Variants in PCBP3 observed in about 807,000 individuals in gnomAD.
PCBP3 encodes poly(rC)-binding protein 3.
Under a neutral mutation model 52.7 loss-of-function variants are expected in PCBP3, and 25 were observed. That is an observed-to-expected ratio of 0.47 (90% confidence interval 0.35 to 0.66). The LOEUF is 0.66. Among genes scored for constraint, PCBP3 ranks in the 30% least tolerant of loss-of-function variants. The pLI, the probability that PCBP3 is intolerant of heterozygous loss-of-function variation, is 0.01. For missense variants in PCBP3, 391 were observed against 490.3 expected, an observed-to-expected ratio of 0.80 and a Z score of 1.91; for synonymous variants, 162 against 183.0, an observed-to-expected ratio of 0.89 and a Z score of 0.93.
intron 4 of PCBP3, among the ~76,000 whole-genome samples, chr21:45,765,092 G>A (rs1345210554): frequency 6.6e-6 from 1 of 152,228 alleles, no homozygotes; most frequent in Non-Finnish European, 1.5e-5. Context: ...GCATGGGTGT[G>A]CCTGAAACAG....
chr21:45,685,999 A>G (rs997091454), intron 2 of PCBP3, among the ~76,000 whole-genome samples: 2 of 150,792 alleles, frequency 1.3e-5, no homozygotes, highest in African/African-American at 4.9e-5. Context: ...GCTCACCACA[A>G]CCTCTGCCTC....
chr21:45,773,464 A>G (rs2090031051), intron 4 of PCBP3, among the ~76,000 whole-genome samples: 1 of 152,058 alleles, frequency 6.6e-6, no homozygotes, highest in East Asian at 1.9e-4. Context: ...TTTTTCACAT[A>G]CTTCTTGGCT....
chr21:45,905,942 T>C (rs117685760), intron 9 of PCBP3, among the ~76,000 whole-genome samples: 3,820 of 152,312 alleles, frequency 0.025, 70 homozygotes, highest in Non-Finnish European at 0.038. Context: ...CAGAGTCCAC[T>C]AAGGCTGCAG....
At chr21:45,784,365 C>T (rs906257842) in intron 4 of PCBP3, among the ~76,000 whole-genome samples, 2 of 147,560 alleles carry the variant, frequency 1.4e-5, no homozygotes, top group South Asian at 4.3e-4. Flanking sequence ...TCTACCTCTA[C>T]CTCTACCTCT....
chr21:45,752,334 T>A (rs1171226948), intron 3 of PCBP3, among the ~76,000 whole-genome samples: 1 of 152,054 alleles, frequency 6.6e-6, no homozygotes, highest in Non-Finnish European at 1.5e-5. Context: ...AGTTTTTATT[T>A]CTTCCTTTTT....
chr21:45,774,637 A>T (rs1335710241), intron 4 of PCBP3, among the ~76,000 whole-genome samples: 1 of 152,102 alleles, frequency 6.6e-6, no homozygotes, highest in East Asian at 1.9e-4. Flanking sequence ...CTCTAGTATT[A>T]TGTTGGTTGT....
At chr21:45,665,227 C>T (rs943061830) in intron 1 of PCBP3, among the ~76,000 whole-genome samples, 2 of 151,704 alleles carry the variant, frequency 1.3e-5, no homozygotes, top group Admixed American at 6.6e-5. Context: ...CATGATGAGA[C>T]CCCATATCTA....
rs79715360 is a variant in PCBP3, at chr21:45,769,424, G to A, written c.-126+13972G>A. The stretch of plus-strand genomic sequence containing the variant: ...TCACGCAGGGCTGTCTGCTGCCTGT[G>A]CTGGGACTGTGGGCGCATCGCCTGT... On this transcript the variant is annotated intron_variant, in intron 4 of 17. Transcript: ENST00000681687. Among the ~76,000 whole-genome samples the A allele has an allele frequency of 4.9e-3, 741 of 152,370 alleles. 6 individuals carry two copies. The highest frequency in any genetic ancestry group is 0.017 in the African/African-American group (710 of 41,596).
intron 13 of PCBP3, among the ~76,000 whole-genome samples, chr21:45,920,393 T>G (rs2074272391): frequency 6.6e-6 from 1 of 152,242 alleles, no homozygotes; most frequent in Non-Finnish European, 1.5e-5. Context: ...GCTTTGCTCT[T>G]TCTCATGTGA....
chr21:45,939,866 G>A (rs774884389), intron 16 of PCBP3, among the ~76,000 whole-genome samples, 164 bp from the exon 17 acceptor site: 1 of 152,210 alleles, frequency 6.6e-6, no homozygotes, highest in Non-Finnish European at 1.5e-5. Flanking sequence ...GGCACCACCT[G>A]CAGGCAGGTG....
chr21:45,909,490 A>G lies in PCBP3; in HGVS notation c.471+4A>G. On this transcript the variant is annotated splice_donor_region_variant and intron_variant, in intron 10 of 17. Transcript: ENST00000681687. Reference sequence around the variant, plus strand: ...CAAGATCAAGGAGATCAGGGAGGTAACAGGACCTTCCCAGCCTGGGCCGCT... The same window carrying G: ...CAAGATCAAGGAGATCAGGGAGGTAGCAGGACCTTCCCAGCCTGGGCCGCT... 6.2e-7 allele frequency: 1 copy of G among 1,612,102 alleles called. No individual in the cohort carries two copies. Among genetic ancestry groups the G allele is most frequent in the East Asian group, 2.2e-5 (1 of 44,842 alleles).
rs1569495286 is a variant in PCBP3 at position 45,917,604 on chromosome 21, G to T, written c.692G>T (p.Gly231Val). The part of the protein sequence containing the change: ...FAGGQAYTIQ[G>V]QYAIPHPDQL... ...TCTCTCTAGGCCTACACAATCCAGGGACAGTATGCCATCCCTCACCCGGAT... is the reference window on the plus strand; with the variant it reads ...TCTCTCTAGGCCTACACAATCCAGGTACAGTATGCCATCCCTCACCCGGAT... Residue 231 changes from glycine to valine, a missense_variant, in exon 13 of 18, where the codon GGA (glycine) becomes GTA (valine). Gly to Val is a moderately radical substitution (Grantham distance 109). Coordinates refer to ENST00000681687, the MANE Select transcript of PCBP3 (RefSeq NM_001384156.1). This position sits in a 1 kb window ranked among gnomAD's most constrained non-coding sequence, Gnocchi z 5.3. 6.2e-7 allele frequency: 1 copy of T among 1,613,456 alleles called. No homozygotes were observed. The highest frequency in any genetic ancestry group is 8.5e-7 in the Non-Finnish European group (1 of 1,179,606).
rs774437870 is a variant in PCBP3, at chr21:45,704,159, G to T, written c.-199-31233G>T. On this transcript the variant is annotated intron_variant, in intron 2 of 17. Coordinates refer to ENST00000681687, the MANE Select transcript of PCBP3 (RefSeq NM_001384156.1). This position sits in a 1 kb window ranked among gnomAD's most constrained non-coding sequence, Gnocchi z 4.1. ...TGGTCAGCTGGAGGAAAGCCAAGGGGCACTGCCCAGCCGCTGAGTGGGTGG... is the reference window on the plus strand; with the variant it reads ...TGGTCAGCTGGAGGAAAGCCAAGGGTCACTGCCCAGCCGCTGAGTGGGTGG... Among the ~76,000 whole-genome samples, 45 of 152,314 alleles carry T rather than the reference G, an allele frequency of 3.0e-4. No individual in the cohort carries two copies. Among genetic ancestry groups the T allele is most frequent in the South Asian group, 1.2e-3 (6 of 4,826 alleles).
At chr21:45,857,388 A>G (rs2094341948) in intron 5 of PCBP3, among the ~76,000 whole-genome samples, 1 of 152,170 alleles carries the variant, frequency 6.6e-6, no homozygotes, top group Non-Finnish European at 1.5e-5. Context: ...ATAGGCAAGA[A>G]AAAAAATCAG....
rs67655040 is a variant in PCBP3 at position 45,901,762 on chromosome 21, CAG to C, written c.339+658_339+659del. 5.2e-5 allele frequency among the ~76,000 whole-genome samples: 6 copies of C among 114,614 alleles called. No individual in the cohort carries two copies. The East Asian group carries it at 7.2e-4, about 14-fold the overall frequency. The allele number at this position is 114,614 out of a possible 152,430, so 75.2% of individuals were successfully genotyped here. On this transcript the variant is annotated intron_variant, in intron 9 of 17. Transcript: ENST00000681687. The stretch of plus-strand genomic sequence containing the variant: ...AGACAGAAAGAGAGAGAGACAGAGA[CAG>C]AGAGAGAGCGAGGGGGAGAGAGCAG...
chr21:45,723,805 A>G (rs1315433498), intron 2 of PCBP3, among the ~76,000 whole-genome samples: 1 of 152,126 alleles, frequency 6.6e-6, no homozygotes, highest in Non-Finnish European at 1.5e-5. Context: ...CAGTCATGTC[A>G]TGGCCATGCC....
chr21:45,818,138 T>C (rs1033601598), intron 4 of PCBP3, among the ~76,000 whole-genome samples: 2 of 152,164 alleles, frequency 1.3e-5, no homozygotes, highest in African/African-American at 4.8e-5. Flanking sequence ...TTCTCCTGCC[T>C]CAGCCTCCCG....
intron 2 of PCBP3, among the ~76,000 whole-genome samples, chr21:45,692,210 A>G (rs1470080773): frequency 6.6e-6 from 1 of 152,216 alleles, no homozygotes; most frequent in Admixed American, 6.5e-5. Flanking sequence ...AGGTTTCTAA[A>G]CAGAGACCTT....
chr21:45,779,814 A>C (rs1478177430), intron 4 of PCBP3, among the ~76,000 whole-genome samples: 2 of 152,202 alleles, frequency 1.3e-5, no homozygotes, highest in Non-Finnish European at 1.5e-5. Context: ...CTCCCAATCA[A>C]AGTCCCAGAA....
Sources: allele counts gnomAD v4.1 joint callset (sites outside exome capture counted in the v4.1 genomes callset), GRCh38; gene constraint gnomAD v4.1.1; non-coding constraint Gnocchi (gnomAD v3.1); transcripts MANE v1.5; gene names NCBI Gene and HGNC (gene_info 2026-07-23, HGNC 2026-07-21).